ALS2: variants seen among roughly 807,000 people sequenced by gnomAD.
ALS2 encodes the protein alsin Rho guanine nucleotide exchange factor ALS2.
ALS2 carries 117 observed loss-of-function variants against 203.4 expected under a neutral mutation model. The observed-to-expected ratio is 0.58, with a 90% CI of 0.50 to 0.67. ALS2 has a LOEUF of 0.67. ALS2 is among the 30% of genes least tolerant of loss of function. The pLI is 0.00. For missense variants in ALS2, 1,715 were observed against 1,989.4 expected, an observed-to-expected ratio of 0.86 and a Z score of 2.62; for synonymous variants, 718 against 725.9, an observed-to-expected ratio of 0.99 and a Z score of 0.17.
In ALS2 at chr2:201,715,824, G is replaced by A. The variant is rs1690352699; in HGVS notation, c.3852C>T (p.Asn1284=). The A allele has an allele frequency of 1.9e-6, 3 of 1,614,152 alleles. No homozygotes were observed. The highest frequency in any genetic ancestry group is 2.5e-6 in the Non-Finnish European group (3 of 1,180,030). ...DRPKVFRKLG[N]LAVPADEKWK... ...ACTTCTCATCAGCTGGCACTGCCAG[G>A]TTTCCTAGCTTCCTGCTAATAAAGT... Residue 1284 remains asparagine, a synonymous_variant, in exon 25 of 34, where the codon AAC becomes AAT. Coordinates refer to ENST00000264276, the MANE Select transcript of ALS2 (RefSeq NM_020919.4).
chr2:201,739,322 T>G (rs1041775672), intron 11 of ALS2, among the ~76,000 whole-genome samples: 1 of 151,886 alleles, frequency 6.6e-6, no homozygotes, highest in African/African-American at 2.4e-5. Flanking sequence ...AGTAATTTAC[T>G]TGGTATCTAC....
chr2:201,765,094 C>T (rs778812642), intron 3 of ALS2, among the ~76,000 whole-genome samples: 18 of 151,974 alleles, frequency 1.2e-4, no homozygotes, highest in Non-Finnish European at 1.9e-4. Context: ...GTCTCCCAGA[C>T]TCAAGCTATC....
At chr2:201,729,434 G>C (rs544181147) in intron 13 of ALS2, among the ~76,000 whole-genome samples, 5 of 152,144 alleles carry the variant, frequency 3.3e-5, no homozygotes, top group Non-Finnish European at 5.9e-5. Context: ...TTAGTGAATA[G>C]AGCAGCAGAG....
chr2:201,777,318 G>A (rs1694704378), intron 1 of ALS2, among the ~76,000 whole-genome samples: 1 of 152,000 alleles, frequency 6.6e-6, no homozygotes, highest in African/African-American at 2.4e-5. Flanking sequence ...CAAATAATTG[G>A]TCTGTCTCCT....
intron 3 of ALS2, 123 bp downstream of exon 3, chr2:201,767,106 A>G: frequency 2.3e-6 from 2 of 882,544 alleles, no homozygotes; most frequent in Non-Finnish European, 3.3e-6. Flanking sequence ...AATAAAATTT[A>G]AAAAAAAAAG....
intron 32 of ALS2, 34 bp from the exon 33 acceptor site, chr2:201,704,252 T>C (rs1559027853): frequency 6.3e-7 from 1 of 1,580,476 alleles, no homozygotes; most frequent in East Asian, 2.2e-5. Context: ...TGAGTTATTT[T>C]CACTTACATG....
Position 201,727,256 on chromosome 2 carries a change from G to A in ALS2, c.2935C>T (p.Pro979Ser). The A allele has an allele frequency of 1.2e-6, 2 of 1,613,480 alleles. No individual in the cohort carries two copies. Among genetic ancestry groups the A allele is most frequent in the South Asian group, 1.1e-5 (1 of 91,064 alleles). Residue 979 changes from proline (P) to serine (S), a missense_variant, in exon 17 of 34, where the codon CCT becomes TCT. Coordinates refer to ENST00000264276, the MANE Select transcript of ALS2 (RefSeq NM_020919.4). ...GGVNGLKITT[P>S]EEQFTLISST... The stretch of plus-strand genomic sequence containing the variant: ...GAAATGAGAGTGAACTGCTCCTCAG[G>A]TGTAGTTATCTTTAAGCCATTCCTA...
rs55655838 is a variant in ALS2, at chr2:201,723,527, C to T, written c.3513-86G>A. On this transcript the variant is annotated intron_variant, in intron 21 of 33. Coordinates refer to ENST00000264276, the MANE Select transcript of ALS2 (RefSeq NM_020919.4). ...CAATTATCACATGGGAGATCCCAGG[C>T]ATCAACCCTAGGTTGGTATTGCTTC... is the stretch of plus-strand genomic sequence containing the variant. 59,089 of 1,166,702 alleles carry T rather than the reference C, an allele frequency of 0.051. 1,776 individuals carry two copies. The highest frequency in any genetic ancestry group is 0.082 in the Admixed American group (4,821 of 59,084). The allele number at this position is 1,166,702 out of a possible 1,614,324, so 72.3% of individuals were successfully genotyped here.
chr2:201,771,293 T>A (rs992984289), intron 1 of ALS2, among the ~76,000 whole-genome samples: 6 of 152,060 alleles, frequency 3.9e-5, no homozygotes, highest in African/African-American at 1.4e-4. Context: ...GTGATCCACC[T>A]GCCTCGGCCT....
rs574803610 is a variant in ALS2 at position 201,729,874 on chromosome 2, C to T, written c.2581-691G>A. ...CAGTCTGGGCAACAGAGCGAGACTC[C>T]GTCTCAAAAAAAAAAAAAAAAAAAA... On this transcript the variant is annotated intron_variant, in intron 13 of 33. Coordinates refer to ENST00000264276, the MANE Select transcript of ALS2 (RefSeq NM_020919.4). Among the ~76,000 whole-genome samples the T allele has an allele frequency of 7.8e-4, 82 of 105,088 alleles. 1 individual carries two copies. Among genetic ancestry groups the T allele is most frequent in the African/African-American group, 2.9e-3 (80 of 27,462 alleles). 68.9% of individuals were successfully genotyped at this position (105,088 alleles called of 152,430 possible). A position where few individuals can be genotyped will look rare whatever the true frequency, so the allele number is the denominator to read the frequency against.
intron 27 of ALS2, 44 bp from the exon 28 acceptor site, chr2:201,708,035 G>C: frequency 6.3e-7 from 1 of 1,581,778 alleles, no homozygotes; most frequent in Non-Finnish European, 8.6e-7. Context: ...ATACCTCTAG[G>C]GGGGTTGAAA....
intron 4 of ALS2, among the ~76,000 whole-genome samples, chr2:201,758,786 T>C (rs77120971): frequency 1.9e-5 from 2 of 103,118 alleles, no homozygotes; most frequent in African/African-American, 7.0e-5. Context: ...GTGTGTGTGT[T>C]TGTTTGTATA....
At chr2:201,738,119 G>C (rs1029770089) in intron 12 of ALS2, among the ~76,000 whole-genome samples, 2 of 152,222 alleles carry the variant, frequency 1.3e-5, no homozygotes, top group East Asian at 3.9e-4. Context: ...GGGTAACACA[G>C]TGAGACCCTA....
chr2:201,704,200 A>G lies in ALS2; in HGVS notation c.4857T>C (p.Ser1619=). 6.2e-7 allele frequency: 1 copy of G among 1,614,122 alleles called. No homozygotes were observed. The highest frequency in any genetic ancestry group is 8.5e-7 in the Non-Finnish European group (1 of 1,179,956). ...VLRARIRNLG[S]EVHLIEDLMD... is the part of the protein sequence containing the mutation. ...TTAGATCCTCAATGAGGTGTACCTCAGAGCCTAAATTCCTAATCCTGCCCC... is the reference window on the plus strand; with the variant it reads ...TTAGATCCTCAATGAGGTGTACCTCGGAGCCTAAATTCCTAATCCTGCCCC... Residue 1619 remains serine, a synonymous_variant, in exon 33 of 34, where the codon TCT becomes TCC. Transcript: ENST00000264276.
intron 13 of ALS2, among the ~76,000 whole-genome samples, chr2:201,729,623 G>A (rs951307101): frequency 1.2e-4 from 19 of 152,088 alleles, no homozygotes; most frequent in Non-Finnish European, 4.4e-5. Flanking sequence ...GCTCACACCT[G>A]TAATCCCAGC....
intron 9 of ALS2, among the ~76,000 whole-genome samples, 200 bp from the exon 10 acceptor site, chr2:201,744,629 TG>T (rs996740131): frequency 1.3e-5 from 2 of 152,038 alleles, no homozygotes; most frequent in African/African-American, 4.8e-5. Context: ...GGGTTTTTTT[TG>T]GGGGGGTCGT....
At position 201,761,076 on chromosome 2, in the gene ALS2, A is replaced by G. The variant is rs1356736273; in HGVS notation, c.918T>C (p.Asn306=). Residue 306 remains asparagine, a synonymous_variant, in exon 4 of 34, where the codon AAT becomes AAC. Transcript: ENST00000264276. ...TGCTTGTGATCTGAGCACTTACTGCATTCAGTTCAGTAGCAACAGACTGAT... is the reference window on the plus strand; with the variant it reads ...TGCTTGTGATCTGAGCACTTACTGCGTTCAGTTCAGTAGCAACAGACTGAT... ...ANDQSVATEL[N]AVSAQITSSD... is the part of the protein sequence containing the mutation. 1 of 1,614,180 alleles carries G rather than the reference A, an allele frequency of 6.2e-7. No individual in the cohort carries two copies. Among genetic ancestry groups the G allele is most frequent in the Non-Finnish European group, 8.5e-7 (1 of 1,180,038 alleles).
intron 25 of ALS2, 80 bp from the exon 26 acceptor site, chr2:201,711,188 T>C: frequency 1.2e-6 from 1 of 863,050 alleles, no homozygotes; most frequent in Non-Finnish European, 2.0e-6. Flanking sequence ...TGAAACACAA[T>C]CACTAGCTCC....
chr2:201,777,311 A>ATAAT (rs1363326235), intron 1 of ALS2, among the ~76,000 whole-genome samples: 1 of 145,864 alleles, frequency 6.9e-6, no homozygotes, highest in African/African-American at 2.8e-5. Context: ...AACTGACCAA[A>ATAAT]TAATTGGTCT....
Sources: allele counts gnomAD v4.1 joint callset (sites outside exome capture counted in the v4.1 genomes callset), GRCh38; gene constraint gnomAD v4.1.1; transcripts MANE v1.5; gene names NCBI Gene and HGNC (gene_info 2026-07-23, HGNC 2026-07-21).